The following HGD variants were observed in gnomAD, a reference collection of about 807,000 sequenced individuals.
The protein encoded by HGD is homogentisate 1,2-dioxygenase.
Under a neutral mutation model 60.8 loss-of-function variants are expected in HGD, and 61 were observed. The ratio of observed to expected loss-of-function variants is 1.00; its 90% CI spans 0.82 to 1.24. The LOEUF (loss-of-function observed/expected upper bound fraction) is 1.24. Among genes scored for constraint, HGD ranks in the 50% most tolerant of loss-of-function variants. The pLI is 0.00. For synonymous variants in HGD, 212 were observed against 187.7 expected (o/e 1.13, Z -1.06); for missense variants, 542 against 547.1 (o/e 0.99, Z 0.09).
chr3:120,654,781 C>T (rs988606782), intron 4 of HGD, among the ~76,000 whole-genome samples: 1 of 152,102 alleles, frequency 6.6e-6, no homozygotes, highest in Non-Finnish European at 1.5e-5. Flanking sequence ...TGTTAAAATA[C>T]CTGTGGTAAG....
chr3:120,658,077 T>C (rs1250285809), intron 4 of HGD, among the ~76,000 whole-genome samples: 1 of 152,202 alleles, frequency 6.6e-6, no homozygotes, highest in African/African-American at 2.4e-5. Context: ...ACCATATTAT[T>C]CTGCCCTTGG....
At chr3:120,664,426 C>CTTTTTTTTTTTTTTTTTTTT (rs71133513) in intron 4 of HGD, among the ~76,000 whole-genome samples, 6 of 118,818 alleles carry the variant, frequency 5.0e-5, no homozygotes, top group Non-Finnish European at 8.3e-5. Context: ...TTTTTTCTTC[C>CTTTTTTTTTTTTTTTTTTTT]TTTTTTTTTT....
chr3:120,634,123 C>T (rs564731788), intron 12 of HGD, among the ~76,000 whole-genome samples: 1 of 152,262 alleles, frequency 6.6e-6, no homozygotes, highest in East Asian at 1.9e-4. Flanking sequence ...TGACTGATTA[C>T]CTCCCGGGCT....
chr3:120,643,929 T>C (rs778070170), intron 10 of HGD, among the ~76,000 whole-genome samples: 1 of 152,246 alleles, frequency 6.6e-6, no homozygotes, highest in Admixed American at 6.5e-5. Flanking sequence ...CTATAAATCT[T>C]GGCTGATCTG....
At chr3:120,650,992 G>C (rs1941326045) in intron 5 of HGD, 127 bp from the exon 6 acceptor site, 2 of 794,848 alleles carry the variant, frequency 2.5e-6, no homozygotes. Flanking sequence ...CCGGTGGGAC[G>C]TTTGGAATCC....
chr3:120,680,716 G>A (rs1285028813), intron 1 of HGD, among the ~76,000 whole-genome samples: 3 of 151,952 alleles, frequency 2.0e-5, no homozygotes, highest in Admixed American at 1.3e-4. Flanking sequence ...TCCAACCACC[G>A]CCTGGGTATC....
chr3:120,661,982 G>C (rs928970485), intron 4 of HGD, among the ~76,000 whole-genome samples: 1 of 152,212 alleles, frequency 6.6e-6, no homozygotes, highest in Non-Finnish European at 1.5e-5. Context: ...AGGGCATAAT[G>C]AAGAAAGTAT....
chr3:120,644,541 G>T, intron 9 of HGD, 98 bp from the exon 10 acceptor site: 1 of 1,592,136 alleles, frequency 6.3e-7, no homozygotes, highest in East Asian at 2.2e-5. Context: ...CATGTCAAGA[G>T]CTACTCCACA....
chr3:120,650,129 A>G (rs776114088), intron 6 of HGD, among the ~76,000 whole-genome samples: 1 of 152,190 alleles, frequency 6.6e-6, no homozygotes, highest in Non-Finnish European at 1.5e-5. Context: ...CACATTTTAA[A>G]CCAATGGGAA....
At chr3:120,655,854 A>G (rs759694866) in intron 4 of HGD, among the ~76,000 whole-genome samples, 2 of 152,186 alleles carry the variant, frequency 1.3e-5, no homozygotes, top group African/African-American at 2.4e-5. Flanking sequence ...TTTTTCTTAC[A>G]TATAACAACA....
At chr3:120,670,025 TC>T in intron 4 of HGD, among the ~76,000 whole-genome samples, 1 of 152,296 alleles carries the variant, frequency 6.6e-6, no homozygotes, top group South Asian at 2.1e-4. Context: ...ATGGTTACCC[TC>T]ATGATAGTGA....
chr3:120,645,887 T>C (rs1941141176), intron 9 of HGD, among the ~76,000 whole-genome samples: 1 of 152,230 alleles, frequency 6.6e-6, no homozygotes, highest in Non-Finnish European at 1.5e-5. Context: ...CCCTTTCCTC[T>C]TTACTCTCCT....
At chr3:120,648,856 C>G (rs1941244392) in intron 6 of HGD, among the ~76,000 whole-genome samples, 1 of 152,198 alleles carries the variant, frequency 6.6e-6, no homozygotes, top group African/African-American at 2.4e-5. Context: ...AATAGTTTGA[C>G]TATTTTTGTC....
intron 12 of HGD, among the ~76,000 whole-genome samples, chr3:120,635,476 C>CAAAAAAAAAAAAAAAAAA: frequency 1.6e-5 from 1 of 64,438 alleles, no homozygotes; most frequent in Non-Finnish European, 2.8e-5. Flanking sequence ...GATTCCGTCT[C>CAAAAAAAAAAAAAAAAAA]AAAAAAAAAA....
At position 120,655,138 on chromosome 3, in the gene HGD, G is replaced by T. The variant is rs140792143; in HGVS notation, c.283-2487C>A. ...ACAAACAAAAACCTTGCTGTGAGTG[G>T]TAATAAAGTCCTGGCCCTCAGAGAA... On this transcript the variant is annotated intron_variant, in intron 4 of 13. Coordinates refer to ENST00000283871, the MANE Select transcript of HGD (RefSeq NM_000187.4). Among the ~76,000 whole-genome samples, 296 of 152,194 alleles carry T rather than the reference G, an allele frequency of 1.9e-3. 2 individuals are homozygous for T. The highest frequency in any genetic ancestry group is 6.9e-3 in the African/African-American group (285 of 41,510).
chr3:120,667,820 T>A (rs1241568268), intron 4 of HGD, among the ~76,000 whole-genome samples: 1 of 152,194 alleles, frequency 6.6e-6, no homozygotes, highest in Non-Finnish European at 1.5e-5. Flanking sequence ...AACAATAATT[T>A]AAATTATCCA....
intron 2 of HGD, among the ~76,000 whole-genome samples, chr3:120,675,273 C>G (rs1017234184): frequency 2.0e-5 from 3 of 152,022 alleles, no homozygotes; most frequent in African/African-American, 4.8e-5. Context: ...GCATTCTTAT[C>G]CTCCAAAATT....
chr3:120,674,809 C>G, intron 3 of HGD, 92 bp downstream of exon 3: 1 of 851,408 alleles, frequency 1.2e-6, no homozygotes, highest in East Asian at 2.5e-5. Flanking sequence ...TTGGGCAGCT[C>G]TGGGAGGCTG....
At chr3:120,670,561 A>G in intron 3 of HGD, 29 bp from the exon 4 acceptor site, 1 of 1,232,356 alleles carries the variant, frequency 8.1e-7, no homozygotes, top group Non-Finnish European at 1.2e-6. Flanking sequence ...AAGATATACA[A>G]GCCTTAGAGT....
Sources: allele counts gnomAD v4.1 joint callset (sites outside exome capture counted in the v4.1 genomes callset), GRCh38; gene constraint gnomAD v4.1.1; transcripts MANE v1.5; gene names NCBI Gene and HGNC (gene_info 2026-07-23, HGNC 2026-07-21).